Variants in TLN2 observed in about 807,000 individuals in gnomAD.
TLN2 encodes talin-2.
Under a neutral mutation model 294.7 loss-of-function variants are expected in TLN2, and 118 were observed. That is an observed-to-expected ratio of 0.40 (90% CI 0.34 to 0.47). TLN2 has a LOEUF of 0.47. TLN2 is among the 20% of genes least tolerant of loss of function. The pLI is 0.84. For synonymous variants in TLN2, 1,431 were observed against 1,304.5 expected (o/e 1.10, Z -2.09); for missense variants, 3,083 against 3,282.2 (o/e 0.94, Z 1.48).
intron 1 of TLN2, among the ~76,000 whole-genome samples, chr15:62,412,483 C>T (rs1333479325): frequency 6.6e-6 from 1 of 152,116 alleles, no homozygotes; most frequent in Admixed American, 6.5e-5. Flanking sequence ...GAATGATGCC[C>T]AGGGAGACAG....
chr15:62,657,947 C>T (rs2053398889), intron 9 of TLN2, 49 bp downstream of exon 9: 2 of 1,546,094 alleles, frequency 1.3e-6, no homozygotes. Context: ...TGTCTTCTTT[C>T]TCTTTCAGCT....
chr15:62,445,343 A>G (rs1426941916), intron 1 of TLN2, among the ~76,000 whole-genome samples: 1 of 152,152 alleles, frequency 6.6e-6, no homozygotes, highest in East Asian at 1.9e-4. Flanking sequence ...AGCAACTCTA[A>G]TGTATATGCT....
chr15:62,501,209 T>C (rs2140429654), intron 1 of TLN2, among the ~76,000 whole-genome samples: 2 of 152,318 alleles, frequency 1.3e-5, no homozygotes, highest in South Asian at 4.1e-4. Flanking sequence ...AACTTTTATC[T>C]CTACTTCTTG....
intron 1 of TLN2, among the ~76,000 whole-genome samples, chr15:62,576,704 T>C (rs2044448985): frequency 8.5e-6 from 1 of 118,004 alleles, no homozygotes; most frequent in South Asian, 2.9e-4. Context: ...GGAGGAAATT[T>C]GTTCCTCGAG....
At chr15:62,788,021 C>T (rs2064816849) in intron 45 of TLN2, among the ~76,000 whole-genome samples, 1 of 144,664 alleles carries the variant, frequency 6.9e-6, no homozygotes, top group Non-Finnish European at 1.5e-5. Context: ...GATACAGACT[C>T]AAAAAATGAA....
At chr15:62,630,510 G>A (rs1259671040) in intron 3 of TLN2, among the ~76,000 whole-genome samples, 1 of 152,174 alleles carries the variant, frequency 6.6e-6, no homozygotes, top group Non-Finnish European at 1.5e-5. Flanking sequence ...TGCCACAGAC[G>A]TCGGGATCTC....
chr15:62,568,571 C>T (rs16945302), intron 1 of TLN2, among the ~76,000 whole-genome samples: 5,384 of 152,244 alleles, frequency 0.035, 138 homozygotes, highest in East Asian at 0.07. Context: ...GTGTTAGCAA[C>T]GGAGATGGAT....
chr15:62,492,557 A>G (rs1269766496), intron 1 of TLN2, among the ~76,000 whole-genome samples: 1 of 151,102 alleles, frequency 6.6e-6, no homozygotes, highest in African/African-American at 2.4e-5. Flanking sequence ...AAAAAAAAAA[A>G]AAAGAAAAAA....
chr15:62,795,525 C>CG (rs1161783364), intron 46 of TLN2, among the ~76,000 whole-genome samples: 1 of 151,972 alleles, frequency 6.6e-6, no homozygotes, highest in African/African-American at 2.4e-5. Context: ...AATGATGGTT[C>CG]GGGGGTGGAT....
chr15:62,638,110 A>G (rs1294286142), intron 3 of TLN2: 1 of 162,514 alleles, frequency 6.2e-6, no homozygotes, highest in African/African-American at 2.4e-5. Context: ...CTCTAGGCAA[A>G]ATCATAAAGC....
At position 62,707,201 on chromosome 15, in the gene TLN2, C is replaced by G; in HGVS notation, c.2120C>G (p.Ala707Gly). 6.2e-7 allele frequency: 1 copy of G among 1,614,042 alleles called. No homozygotes were observed. Among genetic ancestry groups the G allele is most frequent in the Non-Finnish European group, 8.5e-7 (1 of 1,179,952 alleles). The change falls in exon 20 of 59, where the codon GCT becomes GGT. Residue 707 changes from alanine to glycine, a missense_variant. Coordinates refer to ENST00000636159, the MANE Select transcript of TLN2 (RefSeq NM_015059.3). ...ACTGTCCTACAGAACAGGGTAATTGCTGCTGCCACCCAGTGTGCCCTCTCC... is the reference window on the plus strand; with the variant it reads ...ACTGTCCTACAGAACAGGGTAATTGGTGCTGCCACCCAGTGTGCCCTCTCC... ...EDTVLQNRVIAAATQCALSTS... is the reference protein window; with the variant it reads ...EDTVLQNRVIGAATQCALSTS...
At chr15:62,743,955 C>T (rs1481274426) in intron 32 of TLN2, among the ~76,000 whole-genome samples, 2 of 152,314 alleles carry the variant, frequency 1.3e-5, no homozygotes, top group East Asian at 3.9e-4. Flanking sequence ...GGACGGGGCT[C>T]CTCCTGTCCC....
In TLN2 at chr15:62,783,776, T is replaced by A. The variant is rs1335706267; in HGVS notation, c.5622T>A (p.Thr1874=). 1.3e-6 allele frequency: 2 copies of A among 1,599,608 alleles called. No homozygotes were observed. The highest frequency in any genetic ancestry group is 2.7e-5 in the African/African-American group (2 of 74,796). ...AIAVTAQEMM[T]KSVTNPEELG... ...TGCTTGTTTTCTTTTTCCAGATGACTAAGTCGGTTACTAACCCGGAGGAGT... is the reference window on the plus strand; with the variant it reads ...TGCTTGTTTTCTTTTTCCAGATGACAAAGTCGGTTACTAACCCGGAGGAGT... The change falls in exon 45 of 59, where the codon ACT becomes ACA. Residue 1874 remains threonine (T), a synonymous_variant. Coordinates refer to ENST00000636159, the MANE Select transcript of TLN2 (RefSeq NM_015059.3).
At chr15:62,402,232 GA>G (rs1488363763) in intron 1 of TLN2, among the ~76,000 whole-genome samples, 1 of 152,110 alleles carries the variant, frequency 6.6e-6, no homozygotes, top group African/African-American at 2.4e-5. Context: ...CCACTAAACT[GA>G]TTTCACTGCC....
At chr15:62,413,388 C>A (rs560003820) in intron 1 of TLN2, among the ~76,000 whole-genome samples, 1 of 152,272 alleles carries the variant, frequency 6.6e-6, no homozygotes, top group Non-Finnish European at 1.5e-5. Context: ...GCCCTGCCCC[C>A]ACCCCCAAGC....
chr15:62,620,846 T>C (rs1405643446), intron 3 of TLN2, among the ~76,000 whole-genome samples: 2 of 137,494 alleles, frequency 1.5e-5, no homozygotes, highest in African/African-American at 5.6e-5. Context: ...TCTTTTTTTT[T>C]TTTTTTTTTT....
In TLN2 at chr15:62,697,714, A is replaced by G; in HGVS notation, c.1319A>G (p.Asn440Ser). The change falls in exon 15 of 59, where the codon AAC becomes AGC. Residue 440 changes from asparagine (N) to serine (S), a missense_variant. By Grantham distance (46) the Asn-to-Ser change is conservative. Transcript: ENST00000636159. ...KKSTILQQQF[N>S]RTGKAEHGSV... Reference sequence around the variant, plus strand: ...TCCACCATCTTGCAGCAGCAGTTCAACCGGACCGGGAAGGCAGAGCACGGC... The same window carrying G: ...TCCACCATCTTGCAGCAGCAGTTCAGCCGGACCGGGAAGGCAGAGCACGGC... The G allele has an allele frequency of 1.9e-6, 3 of 1,602,662 alleles. No homozygotes were observed. The highest frequency in any genetic ancestry group is 2.6e-6 in the Non-Finnish European group (3 of 1,171,540).
Position 62,524,740 on chromosome 15 carries a change from T to C in TLN2, c.-237-64947T>C, listed in dbSNP as rs117239800. On this transcript the variant is annotated intron_variant, in intron 1 of 58. Transcript: ENST00000636159. Reference sequence around the variant, plus strand: ...ATTCAGAATCAGTTGGGCTGCCTCATACATGCATTATATGCTTGCTTTTAT... The same window carrying C: ...ATTCAGAATCAGTTGGGCTGCCTCACACATGCATTATATGCTTGCTTTTAT... Among the ~76,000 whole-genome samples, 77 of 152,350 alleles carry C rather than the reference T, an allele frequency of 5.1e-4. 2 individuals are homozygous for C. The East Asian group carries it at 0.014, about 27-fold the overall frequency.
chr15:62,840,863 G>T lies in TLN2; in HGVS notation c.*253G>T, dbSNP rs919950512. On this transcript the variant is annotated 3_prime_UTR_variant, in exon 59 of 59. Coordinates refer to ENST00000636159, the MANE Select transcript of TLN2 (RefSeq NM_015059.3). Reference sequence around the variant, plus strand: ...TGCCTCACCGTGTCTCAGGAGAGAGGGGTGCACGTTTCATGGACTGTTACC... The same window carrying T: ...TGCCTCACCGTGTCTCAGGAGAGAGTGGTGCACGTTTCATGGACTGTTACC... 6.6e-6 allele frequency: 3 copies of T among 452,376 alleles called. No individual in the cohort carries two copies. The highest frequency in any genetic ancestry group is 4.1e-5 in the South Asian group (1 of 24,374). The allele number at this position is 452,376 out of a possible 1,614,324, so 28.0% of individuals were successfully genotyped here. A position where few individuals can be genotyped will look rare whatever the true frequency, so the allele number is the denominator to read the frequency against.
Sources: gnomAD v4.1 joint callset for allele counts (sites outside exome capture counted in the v4.1 genomes callset) on GRCh38, gnomAD v4.1.1 for gene constraint, MANE v1.5 for transcripts, NCBI Gene and HGNC (gene_info 2026-07-23, HGNC 2026-07-21) for gene names.